HIVEP3: variants seen among roughly 807,000 people sequenced by gnomAD.
HIVEP3 encodes the protein HIVEP zinc finger 3.
A neutral mutation model predicts 152.8 loss-of-function variants in HIVEP3; 49 were observed. The observed-to-expected ratio is 0.32, with a 90% confidence interval of 0.26 to 0.41. HIVEP3 has a LOEUF of 0.41. Among genes scored for constraint, HIVEP3 ranks in the 10% least tolerant of loss-of-function variants. HIVEP3 has a pLI of 1.00. For missense variants in HIVEP3, 2,790 were observed against 3,103.3 expected (o/e 0.90, Z 2.40); for synonymous variants, 1,269 against 1,289.0 (o/e 0.98, Z 0.33).
chr1:41,600,266 T>A (rs919884789), intron 3 of HIVEP3, among the ~76,000 whole-genome samples: 4 of 152,172 alleles, frequency 2.6e-5, no homozygotes, highest in Admixed American at 6.5e-5. Flanking sequence ...TATGTGTACA[T>A]CTATGTTCAT....
rs1557533414 is a variant in HIVEP3 at position 41,945,257 on chromosome 1, G to A, written n.120-26733C>T. ...CGGTACAAAAGGAGATAGACAAAGG[G>A]GTAAACAATGAACCAAAGAGTGCCA... On this transcript the variant is annotated intron_variant and non_coding_transcript_variant, in intron 1 of 3. Coordinates refer to the HIVEP3 transcript ENST00000489103. Among the ~76,000 whole-genome samples, 4 of 152,054 alleles carry A rather than the reference G, an allele frequency of 2.6e-5. No individual in the cohort carries two copies. The South Asian group carries it at 8.3e-4, about 32-fold the overall frequency.
Position 41,509,285 on chromosome 1 carries a change from G to T in HIVEP3, c.*1166C>A, listed in dbSNP as rs1644415289. 1 of 152,200 alleles carries T rather than the reference G, an allele frequency of 6.6e-6. No homozygotes were observed. The allele number at this position is 152,200 out of a possible 1,614,324, so 9.4% of individuals were successfully genotyped here. ...CCGTATCCACCAGCCACAGTTGTGG[G>T]TATTTCCTTGGGGTAGTGGAGACAG... On this transcript the variant is annotated 3_prime_UTR_variant, in exon 9 of 9. Transcript: ENST00000372583.
At chr1:41,932,003 G>T (rs965833325) in intron 1 of HIVEP3, among the ~76,000 whole-genome samples, 1 of 151,720 alleles carries the variant, frequency 6.6e-6, no homozygotes, top group African/African-American at 2.4e-5. Flanking sequence ...TCATAAGAGA[G>T]AACATCTTGC....
At chr1:41,728,303 C>T (rs189575404) in intron 1 of HIVEP3, among the ~76,000 whole-genome samples, 9 of 152,316 alleles carry the variant, frequency 5.9e-5, no homozygotes, top group Admixed American at 1.3e-4. Flanking sequence ...AGACCACACT[C>T]AATCCAAAGC....
At chr1:42,013,703 G>C (rs185920600) in intron 1 of HIVEP3, among the ~76,000 whole-genome samples, 13 of 152,296 alleles carry the variant, frequency 8.5e-5, no homozygotes, top group Admixed American at 5.2e-4. Flanking sequence ...CAAACCCATA[G>C]CAGTCTTCCA....
chr1:41,587,479 C>T (rs547688024), intron 3 of HIVEP3, among the ~76,000 whole-genome samples: 2 of 152,130 alleles, frequency 1.3e-5, no homozygotes, highest in African/African-American at 2.4e-5. Flanking sequence ...TAACAGTCAT[C>T]GAGGAACAAC....
chr1:41,751,249 G>A (rs548449034), intron 1 of HIVEP3, among the ~76,000 whole-genome samples: 6 of 150,368 alleles, frequency 4.0e-5, no homozygotes, highest in African/African-American at 9.8e-5. Flanking sequence ...GCCAGAGGTC[G>A]TGATTAACTG....
In HIVEP3 at chr1:41,511,557, C is replaced by T. The variant is rs1035029672; in HGVS notation, c.6406-291G>A. Among the ~76,000 whole-genome samples the T allele has an allele frequency of 1.3e-5, 2 of 152,132 alleles. No homozygotes were observed. The highest frequency in any genetic ancestry group is 3.9e-4 in the East Asian group (2 of 5,186). On this transcript the variant is annotated intron_variant, in intron 8 of 8. Coordinates refer to ENST00000372583, the MANE Select transcript of HIVEP3 (RefSeq NM_024503.5). This position sits in a 1 kb window ranked among gnomAD's most constrained non-coding sequence, Gnocchi z 4.9. ...GTCTTCAAAGGAGGGGATACTTGAGCGACGTGGGGCCCTGTTGTCACCCAT... is the reference window on the plus strand; with the variant it reads ...GTCTTCAAAGGAGGGGATACTTGAGTGACGTGGGGCCCTGTTGTCACCCAT...
intron 3 of HIVEP3, among the ~76,000 whole-genome samples, chr1:41,626,251 G>A (rs536883685): frequency 6.0e-4 from 91 of 152,320 alleles, no homozygotes; most frequent in Non-Finnish European, 1.2e-3. Context: ...ATATATCCCA[G>A]CTCCTCCCTG....
intron 1 of HIVEP3, among the ~76,000 whole-genome samples, chr1:41,789,641 A>G (rs540672534): frequency 6.6e-6 from 1 of 152,380 alleles, no homozygotes; most frequent in African/African-American, 2.4e-5. Context: ...ATAAATAAAT[A>G]CTAGTGTAGG....
intron 1 of HIVEP3, among the ~76,000 whole-genome samples, chr1:41,924,854 T>G (rs74067948): frequency 0.055 from 8,311 of 152,132 alleles, 245 homozygotes; most frequent in South Asian, 0.092. Flanking sequence ...TGAATGTCCT[T>G]CAAATATCTG....
At chr1:41,739,239 C>T (rs1447958714) in intron 1 of HIVEP3, among the ~76,000 whole-genome samples, 5 of 152,222 alleles carry the variant, frequency 3.3e-5, no homozygotes, top group East Asian at 3.8e-4. Context: ...CTGGAGGTCA[C>T]GTGCACAGAG....
rs780339725 is a variant in HIVEP3, at chr1:41,582,719, C to T, written c.2079G>A (p.Glu693=). 2 of 1,614,020 alleles carry T rather than the reference C, an allele frequency of 1.2e-6. No individual in the cohort carries two copies. Among genetic ancestry groups the T allele is most frequent in the Non-Finnish European group, 8.5e-7 (1 of 1,180,010 alleles). The part of the protein sequence containing the change: ...PEAEKSQIEH[E]PWSQMMHYKL... ...TGTAATGCATCATTTGGGACCACGG[C>T]TCATGCTCAATCTGACTCTTTTCAG... Residue 693 remains glutamate (E), a synonymous_variant, in exon 4 of 9, where the codon GAG becomes GAA. Coordinates refer to ENST00000372583, the MANE Select transcript of HIVEP3 (RefSeq NM_024503.5). The surrounding 1 kb of genome is among the most constrained non-coding windows in gnomAD (Gnocchi z 4.7).
intron 1 of HIVEP3, among the ~76,000 whole-genome samples, chr1:41,885,257 C>G (rs1457834632): frequency 6.6e-6 from 1 of 152,134 alleles, no homozygotes; most frequent in Non-Finnish European, 1.5e-5. Context: ...GTGAGCTTTC[C>G]GTTTCCTGCT....
chr1:41,799,963 C>T (rs1650209738), intron 1 of HIVEP3, among the ~76,000 whole-genome samples: 1 of 152,036 alleles, frequency 6.6e-6, no homozygotes, highest in Non-Finnish European at 1.5e-5. Flanking sequence ...AAAGGTGGTA[C>T]CCACATCCCT....
intron 1 of HIVEP3, among the ~76,000 whole-genome samples, chr1:41,785,718 T>G (rs560300170): frequency 6.6e-6 from 1 of 152,308 alleles, no homozygotes; most frequent in South Asian, 2.1e-4. Flanking sequence ...TTCTCTGGGC[T>G]GGGTGCACTA....
At chr1:41,549,496 T>C (rs1643873365) in intron 5 of HIVEP3, among the ~76,000 whole-genome samples, 1 of 152,224 alleles carries the variant, frequency 6.6e-6, no homozygotes, top group African/African-American at 2.4e-5. Context: ...ACCAACAGTG[T>C]AAAAGTGTTC....
chr1:41,890,102 C>A (rs1384214046), intron 1 of HIVEP3, among the ~76,000 whole-genome samples: 2 of 152,206 alleles, frequency 1.3e-5, no homozygotes, highest in African/African-American at 2.4e-5. Flanking sequence ...TTACCCTGTG[C>A]CTCAGTTTCC....
chr1:41,876,340 G>C (rs1349677995), intron 1 of HIVEP3, among the ~76,000 whole-genome samples: 3 of 152,158 alleles, frequency 2.0e-5, no homozygotes, highest in Admixed American at 2.0e-4. Flanking sequence ...CAGTCAGACT[G>C]CAGGGCCTGG....
Sources: allele counts gnomAD v4.1 joint callset (sites outside exome capture counted in the v4.1 genomes callset), GRCh38; gene constraint gnomAD v4.1.1; non-coding constraint Gnocchi (gnomAD v3.1); transcripts MANE v1.5; gene names NCBI Gene and HGNC (gene_info 2026-07-23, HGNC 2026-07-21).